RDH13: variants seen among roughly 807,000 people sequenced by gnomAD.
The protein encoded by RDH13 is retinol dehydrogenase 13 (all-trans and 9-cis).
In RDH13, 35 loss-of-function variants were observed where a neutral mutation model predicts 28.3. The ratio of observed to expected loss-of-function variants is 1.24; its 90% confidence interval spans 0.95 to 1.64. The LOEUF (loss-of-function observed/expected upper bound fraction) is 1.64, where lower values mean the gene tolerates loss of function less well. Ranked by LOEUF, RDH13 falls within the 40% of genes most tolerant of loss-of-function variation. RDH13 has a pLI of 0.00. For missense variants in RDH13, 514 were observed against 446.3 expected (o/e 1.15, Z -1.37); for synonymous variants, 229 against 198.5 (o/e 1.15, Z -1.29).
At chr19:55,057,230 AG>A (rs1378703109) in intron 2 of RDH13, among the ~76,000 whole-genome samples, 1 of 152,150 alleles carries the variant, frequency 6.6e-6, no homozygotes, top group African/African-American at 2.4e-5. Context: ...TTTCTAGGGC[AG>A]GGGGTGGGGA....
chr19:55,042,281 A>T (rs1853620626), downstream of RDH13: 1 of 152,154 alleles, frequency 6.6e-6, no homozygotes, highest in Non-Finnish European at 1.5e-5. Flanking sequence ...ACTCCGGTTT[A>T]TCAGGGACCC....
At chr19:55,059,025 A>G in intron 2 of RDH13, 132 bp downstream of exon 2, 1 of 658,324 alleles carries the variant, frequency 1.5e-6, no homozygotes, top group Non-Finnish European at 2.7e-6. Flanking sequence ...TGTCTATAGA[A>G]GCCACATTCT....
At chr19:55,039,878 C>T (rs2074975897), downstream of RDH13, among the ~76,000 whole-genome samples, 1 of 152,066 alleles carries the variant, frequency 6.6e-6, no homozygotes, top group Non-Finnish European at 1.5e-5. Flanking sequence ...AATTCAGATA[C>T]ATGCTACAAC....
At chr19:55,060,890 CCA>C (rs2075788629) in intron 1 of RDH13, among the ~76,000 whole-genome samples, 1 of 152,154 alleles carries the variant, frequency 6.6e-6, no homozygotes, top group South Asian at 2.1e-4. Context: ...GTACGCATTA[CCA>C]CAGACTTAGT....
intron 3 of RDH13, chr19:55,050,719 C>CT (rs1364634027): frequency 6.6e-6 from 1 of 152,180 alleles, no homozygotes; most frequent in Admixed American, 6.6e-5. Context: ...AAGTCACATG[C>CT]TGAGGGATGG....
At chr19:55,058,550 CTT>C (rs2075709423) in intron 2 of RDH13, among the ~76,000 whole-genome samples, 1 of 152,150 alleles carries the variant, frequency 6.6e-6, no homozygotes, top group Non-Finnish European at 1.5e-5. Context: ...ACCATTCCAA[CTT>C]CTCTATGAAT....
chr19:55,048,881 GGT>G (rs777674935), intron 3 of RDH13, 118 bp from the exon 4 acceptor site: 10 of 898,042 alleles, frequency 1.1e-5, no homozygotes, highest in Non-Finnish European at 1.8e-5. Flanking sequence ...CCGGAAACAG[GGT>G]CTGTGCCGAA....
intron 2 of RDH13, among the ~76,000 whole-genome samples, chr19:55,057,828 A>G (rs1237008969): frequency 8.6e-6 from 1 of 116,558 alleles, no homozygotes; most frequent in African/African-American, 3.3e-5. Flanking sequence ...TTTTTTTTTG[A>G]GTCAGTCTCA....
At position 55,045,148 on chromosome 19, in the gene RDH13, T is replaced by G; in HGVS notation, c.922A>C (p.Arg308=). The G allele has an allele frequency of 2.5e-6, 4 of 1,613,692 alleles. No homozygotes were observed. Among genetic ancestry groups the G allele is most frequent in the Non-Finnish European group, 3.4e-6 (4 of 1,180,012 alleles). ...AGGCGGGCACTTTCAGCCCAAAGCC[T>G]CCGGGCCACCTCCTCATCCTCAGCC... ...PEAEDEEVAR[R]LWAESARLVG... Residue 308 remains arginine (R), a synonymous_variant, in exon 7 of 7, where the codon AGG becomes CGG. Transcript: ENST00000415061.
chr19:55,045,411 A>T, intron 6 of RDH13, 102 bp from the exon 7 acceptor site: 1 of 850,840 alleles, frequency 1.2e-6, no homozygotes, highest in South Asian at 1.6e-5. Context: ...AGTCCCACAG[A>T]GCCCTCCTCT....
upstream of RDH13, among the ~76,000 whole-genome samples, chr19:55,065,149 G>T (rs1432110326): frequency 4.0e-5 from 6 of 151,160 alleles, no homozygotes; most frequent in Non-Finnish European, 5.9e-5. Context: ...ACTTTGGGAG[G>T]CCAAAGTGGA....
At chr19:55,057,430 C>A (rs1359649577) in intron 2 of RDH13, among the ~76,000 whole-genome samples, 1 of 123,320 alleles carries the variant, frequency 8.1e-6, no homozygotes, top group Non-Finnish European at 1.6e-5. Flanking sequence ...ATTCCCCATC[C>A]TCTCCTTTTT....
At chr19:55,056,845 A>T in intron 2 of RDH13, 37 bp from the exon 3 acceptor site, 1 of 1,556,732 alleles carries the variant, frequency 6.4e-7, no homozygotes. Context: ...TAAATTAATA[A>T]TCCACTCCTG....
chr19:55,056,689 T>G lies in RDH13; in HGVS notation c.304A>C (p.Lys102Gln), dbSNP rs949135791. 5.0e-6 allele frequency: 8 copies of G among 1,613,934 alleles called. 1 individual carries two copies. The highest frequency in any genetic ancestry group is 1.3e-5 in the African/African-American group (1 of 74,876). ...NARHLDLASL[K>Q]SIREFAAKII... Reference sequence around the variant, plus strand: ...TTTGCTGCAAACTCTCGGATAGACTTGAGGGAAGCCAAGTCCAGGTGCCGG... The same window carrying G: ...TTTGCTGCAAACTCTCGGATAGACTGGAGGGAAGCCAAGTCCAGGTGCCGG... Residue 102 changes from lysine to glutamine, a missense_variant, in exon 3 of 7, where the codon AAG becomes CAG. Physicochemically the swap from Lys to Gln is moderately conservative, Grantham distance 53 (BLOSUM62 1). Coordinates refer to ENST00000415061, the MANE Select transcript of RDH13 (RefSeq NM_001145971.2).
chr19:55,062,445 G>A (rs991691347), intron 1 of RDH13, among the ~76,000 whole-genome samples: 2 of 152,142 alleles, frequency 1.3e-5, no homozygotes, highest in African/African-American at 2.4e-5. Context: ...CACTTTGGAG[G>A]CCGAGGCAGG....
intron 1 of RDH13, chr19:55,068,739 G>GGCTT (rs1346853664): frequency 1.4e-5 from 2 of 146,798 alleles, no homozygotes; most frequent in Non-Finnish European, 3.0e-5. Flanking sequence ...GGGAGGCTGA[G>GGCTT]GCAGGAGAAT....
At chr19:55,065,951 CAG>C, upstream of RDH13, among the ~76,000 whole-genome samples, 1 of 152,308 alleles carries the variant, frequency 6.6e-6, no homozygotes, top group Non-Finnish European at 1.5e-5. Context: ...CTCCAGGCTT[CAG>C]GTGATCCACC....
At chr19:55,065,558 A>G (rs2075945415), upstream of RDH13, among the ~76,000 whole-genome samples, 1 of 151,592 alleles carries the variant, frequency 6.6e-6, no homozygotes, top group Non-Finnish European at 1.5e-5. Context: ...AACTTTTTCT[A>G]CAAACAGCCA....
At chr19:55,053,737 A>T in intron 3 of RDH13, 1 of 151,962 alleles carries the variant, frequency 6.6e-6, no homozygotes, top group Non-Finnish European at 1.5e-5. Context: ...CGTGTGGCTA[A>T]GAGAGGAGGC....
Sources: gnomAD v4.1 joint callset for allele counts (sites outside exome capture counted in the v4.1 genomes callset) on GRCh38, gnomAD v4.1.1 for gene constraint, MANE v1.5 for transcripts, NCBI Gene and HGNC (gene_info 2026-07-23, HGNC 2026-07-21) for gene names.